Variants in SNX29 observed in about 807,000 individuals in gnomAD.
SNX29 encodes the protein sorting nexin-29.
In SNX29, 78 loss-of-function variants were observed where a neutral mutation model predicts 102.1. The ratio of observed to expected loss-of-function variants is 0.76; its 90% CI spans 0.64 to 0.92. SNX29 has a LOEUF of 0.92. SNX29 is among the 40% of genes least tolerant of loss of function. The pLI is 0.00. For missense variants in SNX29, 1,280 were observed against 1,061.7 expected, an observed-to-expected ratio of 1.21 and a Z score of -2.86; for synonymous variants, 580 against 414.5, an observed-to-expected ratio of 1.40 and a Z score of -4.85.
rs114844137 is a variant in SNX29, at chr16:12,573,912, C to T, written c.*5283C>T. ...TCAGGTAGAACGCTTACTCACCTGA[C>T]ACCGACTTCTTAGAGAAGCGAGTCT... On this transcript the variant is annotated 3_prime_UTR_variant, in exon 21 of 21. Coordinates refer to ENST00000566228, the MANE Select transcript of SNX29 (RefSeq NM_032167.5). 2 of 203,706 alleles carry T rather than the reference C, an allele frequency of 9.8e-6. No homozygotes were observed. The highest frequency in any genetic ancestry group is 6.0e-5 in the Admixed American group (1 of 16,738). The allele number at this position is 203,706 out of a possible 1,614,324, so 12.6% of individuals were successfully genotyped here.
intron 13 of SNX29, among the ~76,000 whole-genome samples, chr16:12,198,871 T>C (rs182823760): frequency 6.6e-6 from 1 of 152,258 alleles, no homozygotes; most frequent in South Asian, 2.1e-4. Context: ...GCATGCTTGG[T>C]TCAAAGAGAC....
intron 15 of SNX29, among the ~76,000 whole-genome samples, chr16:12,321,755 A>C (rs1031762540): frequency 6.6e-6 from 1 of 152,160 alleles, no homozygotes; most frequent in African/African-American, 2.4e-5. Flanking sequence ...AACAGATGGC[A>C]GGTGTAAGAG....
At position 12,570,965 on chromosome 16, in the gene SNX29, T is replaced by TG. The variant is rs747961952; in HGVS notation, c.*2337dup. On this transcript the variant is annotated 3_prime_UTR_variant, in exon 21 of 21. Coordinates refer to ENST00000566228, the MANE Select transcript of SNX29 (RefSeq NM_032167.5). ...CACATGGGGACCATCCCCAGCTGCC[T>TG]GCTCCTGGTACCTCCCCCATGATCA... The TG allele has an allele frequency of 6.0e-5, 14 of 232,116 alleles. No homozygotes were observed. Among genetic ancestry groups the TG allele is most frequent in the Non-Finnish European group, 1.1e-4 (13 of 117,392 alleles). The allele number at this position is 232,116 out of a possible 1,614,324, so 14.4% of individuals were successfully genotyped here.
chr16:12,005,120 A>G (rs1038713494), intron 3 of SNX29, among the ~76,000 whole-genome samples: 2 of 152,170 alleles, frequency 1.3e-5, no homozygotes, highest in African/African-American at 4.8e-5. Context: ...TATTTTTAAA[A>G]TTTTACTTCT....
In SNX29 at chr16:12,379,520, A is replaced by G. The variant is rs1301406988; in HGVS notation, c.1900-18926A>G. Among the ~76,000 whole-genome samples the G allele has an allele frequency of 4.6e-5, 7 of 152,376 alleles. No individual in the cohort carries two copies. The East Asian group carries it at 1.3e-3, about 29-fold the overall frequency. ...TAGAAGCAGGGCAGGCCATGGGTCC[A>G]GGACTGTGCCCTTTAGCCACTTTGA... On this transcript the variant is annotated intron_variant, in intron 16 of 20. Coordinates refer to ENST00000566228, the MANE Select transcript of SNX29 (RefSeq NM_032167.5).
At chr16:12,192,228 G>C (rs1007629125) in intron 13 of SNX29, among the ~76,000 whole-genome samples, 4 of 152,150 alleles carry the variant, frequency 2.6e-5, no homozygotes, top group African/African-American at 4.8e-5. Context: ...ATTTGCTTTC[G>C]TTCCCATGCT....
chr16:12,460,383 A>G (rs2086727430), intron 18 of SNX29, among the ~76,000 whole-genome samples: 1 of 152,180 alleles, frequency 6.6e-6, no homozygotes, highest in East Asian at 1.9e-4. Context: ...CTGATTTCCT[A>G]TTGTCAAGAA....
chr16:11,984,508 T>C (rs1407565674), intron 1 of SNX29, among the ~76,000 whole-genome samples: 1 of 152,222 alleles, frequency 6.6e-6, no homozygotes, highest in Non-Finnish European at 1.5e-5. Context: ...GGGCTCACTA[T>C]TGATCACTTT....
chr16:12,117,288 ACGAACCG>A (rs2053770075), intron 11 of SNX29, among the ~76,000 whole-genome samples: 4 of 146,916 alleles, frequency 2.7e-5, no homozygotes, highest in African/African-American at 2.5e-5. Context: ...TTCAACGCGG[ACGAACCG>A]TGGAAACAGG....
chr16:12,553,747 C>G (rs960714555), intron 20 of SNX29, among the ~76,000 whole-genome samples: 3 of 152,022 alleles, frequency 2.0e-5, no homozygotes, highest in African/African-American at 4.8e-5. Flanking sequence ...GCCACCACCC[C>G]CAGCCTAGTT....
chr16:12,225,908 C>T (rs1288005223), intron 14 of SNX29, among the ~76,000 whole-genome samples: 1 of 152,300 alleles, frequency 6.6e-6, no homozygotes, highest in East Asian at 1.9e-4. Context: ...GCTCTCCTGC[C>T]TTTTAACTAA....
chr16:12,294,835 C>A (rs2079926066), intron 15 of SNX29, among the ~76,000 whole-genome samples: 1 of 152,080 alleles, frequency 6.6e-6, no homozygotes, highest in Non-Finnish European at 1.5e-5. Flanking sequence ...ACTGTCCCTT[C>A]CTGTATTAGC....
chr16:12,125,599 A>ATC lies in SNX29; in HGVS notation c.1403-1028_1403-1027dup, dbSNP rs1250147259. 1.1e-3 allele frequency among the ~76,000 whole-genome samples: 52 copies of ATC among 47,610 alleles called. 8 individuals carry two copies. Among genetic ancestry groups the ATC allele is most frequent in the East Asian group, 3.4e-3 (2 of 588 alleles). The allele number at this position is 47,610 out of a possible 152,430, so 31.2% of individuals were successfully genotyped here. ...CCTGCAAGGGGGGCTTGTGGCTGAGATCTCTCTTTTTTTTTTTTTTTTTTT... is the reference window on the plus strand; with the variant it reads ...CCTGCAAGGGGGGCTTGTGGCTGAGATCTCTCTCTTTTTTTTTTTTTTTTTTT... On this transcript the variant is annotated intron_variant, in intron 11 of 20. Transcript: ENST00000566228.
rs1364825100 is a variant in SNX29, at chr16:12,568,731, C to G, written c.*102C>G. On this transcript the variant is annotated 3_prime_UTR_variant, in exon 21 of 21. Transcript: ENST00000566228. ...ACCTCAGCGTGACAACCACGTCCAC[C>G]TGGTGATCCTGAGAGCACACGATTC... 4.7e-6 allele frequency: 7 copies of G among 1,477,832 alleles called. No homozygotes were observed. The highest frequency in any genetic ancestry group is 6.3e-6 in the Non-Finnish European group (7 of 1,107,952). The allele number at this position is 1,477,832 out of a possible 1,614,324, so 91.5% of individuals were successfully genotyped here.
intron 11 of SNX29, among the ~76,000 whole-genome samples, chr16:12,084,175 T>C (rs2052047795): frequency 6.6e-6 from 1 of 151,900 alleles, no homozygotes; most frequent in South Asian, 2.1e-4. Context: ...GACGGAGTGT[T>C]GCTCTTATCG....
At chr16:12,362,936 G>GTGAA (rs1192220790) in intron 16 of SNX29, among the ~76,000 whole-genome samples, 2 of 152,184 alleles carry the variant, frequency 1.3e-5, no homozygotes, top group Non-Finnish European at 2.9e-5. Flanking sequence ...AACTCATTGA[G>GTGAA]TGAATGAATG....
intron 7 of SNX29, among the ~76,000 whole-genome samples, chr16:12,049,335 T>A (rs868122612): frequency 0.37 from 54,537 of 146,696 alleles, 10,363 homozygotes; most frequent in Middle Eastern, 0.48. Context: ...TTTTTTAACT[T>A]TTTTTTTTTT....
intron 18 of SNX29, among the ~76,000 whole-genome samples, chr16:12,468,169 CTTTTTTTT>C (rs59089512): frequency 5.4e-5 from 5 of 92,658 alleles, no homozygotes; most frequent in East Asian, 2.9e-4. Context: ...ACTCTGACTC[CTTTTTTTT>C]TTTTTTTTTT....
chr16:12,429,250 T>C (rs968273348), intron 18 of SNX29, among the ~76,000 whole-genome samples: 6 of 152,228 alleles, frequency 3.9e-5, no homozygotes, highest in African/African-American at 1.4e-4. Flanking sequence ...TGATTACAAT[T>C]AATATCTCCT....
Sources: allele counts gnomAD v4.1 joint callset (sites outside exome capture counted in the v4.1 genomes callset), GRCh38; gene constraint gnomAD v4.1.1; transcripts MANE v1.5; gene names NCBI Gene and HGNC (gene_info 2026-07-23, HGNC 2026-07-21).